CDH1: variants seen among roughly 807,000 people sequenced by gnomAD.
CDH1 encodes the protein cadherin 1.
CDH1 carries 35 observed loss-of-function variants against 84.5 expected under a neutral mutation model. The observed-to-expected ratio is 0.41, with a 90% CI of 0.32 to 0.55. The LOEUF (loss-of-function observed/expected upper bound fraction) is 0.55. Among genes scored for constraint, CDH1 ranks in the 20% least tolerant of loss-of-function variants. The pLI is 0.19. For missense variants in CDH1, 994 were observed against 1,126.6 expected (o/e 0.88, Z 1.68); for synonymous variants, 417 against 439.0 (o/e 0.95, Z 0.63).
At chr16:68,786,462 A>G (rs1960047443) in intron 2 of CDH1, among the ~76,000 whole-genome samples, 1 of 143,230 alleles carries the variant, frequency 7.0e-6, no homozygotes, top group Admixed American at 7.1e-5. Context: ...TTGAGCCTGC[A>G]CCTGACCCTA....
At chr16:68,772,867 C>T (rs1385971839) in intron 2 of CDH1, among the ~76,000 whole-genome samples, 1 of 151,996 alleles carries the variant, frequency 6.6e-6, no homozygotes, top group African/African-American at 2.4e-5. Flanking sequence ...GTCAATGCTG[C>T]AGTGAGCCAT....
intron 2 of CDH1, among the ~76,000 whole-genome samples, chr16:68,739,155 CT>C (rs981362517): frequency 2.0e-5 from 3 of 151,758 alleles, no homozygotes; most frequent in African/African-American, 7.3e-5. Flanking sequence ...TGGCTAACGC[CT>C]GTAATCCCAG....
At chr16:68,799,177 G>C (rs1960434889) in intron 2 of CDH1, among the ~76,000 whole-genome samples, 1 of 152,182 alleles carries the variant, frequency 6.6e-6, no homozygotes, top group South Asian at 2.1e-4. Context: ...TCCAGTCGCA[G>C]ACCCTGGGTC....
intron 14 of CDH1, among the ~76,000 whole-genome samples, chr16:68,828,897 G>A (rs1249669299): frequency 1.3e-5 from 2 of 152,164 alleles, no homozygotes; most frequent in Non-Finnish European, 2.9e-5. Context: ...AGGCCACAGA[G>A]TGAGGCACAA....
intron 2 of CDH1, among the ~76,000 whole-genome samples, chr16:68,791,094 G>A (rs1271352044): frequency 1.3e-5 from 2 of 152,132 alleles, no homozygotes; most frequent in African/African-American, 4.8e-5. Context: ...GCCCCCGGGT[G>A]GGCAGGAGTG....
intron 2 of CDH1, among the ~76,000 whole-genome samples, chr16:68,791,177 G>A (rs1307954248): frequency 6.6e-6 from 1 of 152,174 alleles, no homozygotes; most frequent in Admixed American, 6.5e-5. Context: ...TATGCACACA[G>A]TAGGTGTGCA....
At chr16:68,743,299 CT>C in intron 2 of CDH1, among the ~76,000 whole-genome samples, 2 of 11,664 alleles carry the variant, frequency 1.7e-4, no homozygotes, top group African/African-American at 3.7e-4. Flanking sequence ...TTCTTTCTTT[CT>C]TTCTTTCTTT....
chr16:68,829,691 C>T lies in CDH1; in HGVS notation c.2333C>T (p.Ala778Val), dbSNP rs876659951. The T allele has an allele frequency of 6.2e-7, 1 of 1,614,176 alleles. No individual in the cohort carries two copies. Among genetic ancestry groups the T allele is most frequent in the Non-Finnish European group, 8.5e-7 (1 of 1,180,040 alleles). The change falls in exon 15 of 16, where the codon GCT (alanine) becomes GTT (valine). Residue 778 changes from alanine (A) to valine (V), a missense_variant. Physicochemically the swap from Ala to Val is moderately conservative, Grantham distance 64. Coordinates refer to ENST00000261769, the MANE Select transcript of CDH1 (RefSeq NM_004360.5). Reference protein sequence around the residue: ...DLSQLHRGLDARPEVTRNDVA... With the variant: ...DLSQLHRGLDVRPEVTRNDVA... The stretch of plus-strand genomic sequence containing the variant: ...AGCCAGCTGCACAGGGGCCTGGACG[C>T]TCGGCCTGAAGTGACTCGTAACGAC...
intron 3 of CDH1, among the ~76,000 whole-genome samples, chr16:68,806,165 T>TTTAC (rs1960654205): frequency 7.3e-6 from 1 of 136,592 alleles, no homozygotes; most frequent in Non-Finnish European, 1.6e-5. Context: ...TATTTATTTA[T>TTTAC]TTTTGAGACA....
At chr16:68,823,133 C>A (rs73562605) in intron 12 of CDH1, 20 of 460,792 alleles carry the variant, frequency 4.3e-5, no homozygotes, top group Non-Finnish European at 7.8e-5. Flanking sequence ...TGAAGAGCCC[C>A]GCTCTGCCTA....
chr16:68,781,558 C>T (rs1959878968), intron 2 of CDH1, among the ~76,000 whole-genome samples: 3 of 152,050 alleles, frequency 2.0e-5, no homozygotes, highest in Admixed American at 1.3e-4. Flanking sequence ...AGGTTGGTGT[C>T]GAACTCCTGA....
intron 2 of CDH1, among the ~76,000 whole-genome samples, chr16:68,793,816 C>T (rs956297539): frequency 1.3e-5 from 2 of 151,536 alleles, no homozygotes; most frequent in Non-Finnish European, 2.9e-5. Context: ...CCCTCGAACC[C>T]GGGAGGCAGG....
At chr16:68,754,649 G>A (rs1962974795) in intron 2 of CDH1, among the ~76,000 whole-genome samples, 1 of 152,174 alleles carries the variant, frequency 6.6e-6, no homozygotes, top group South Asian at 2.1e-4. Flanking sequence ...AACAGTCTGT[G>A]AGCAGCCAGG....
intron 6 of CDH1, among the ~76,000 whole-genome samples, chr16:68,811,148 A>G (rs558733182): frequency 6.6e-6 from 1 of 152,156 alleles, no homozygotes; most frequent in East Asian, 1.9e-4. Flanking sequence ...CTGTAACCCC[A>G]GCACTTTGGG....
At chr16:68,769,220 C>T (rs906001464) in intron 2 of CDH1, among the ~76,000 whole-genome samples, 5 of 152,162 alleles carry the variant, frequency 3.3e-5, no homozygotes, top group Non-Finnish European at 7.3e-5. Flanking sequence ...TGAATGACTC[C>T]ACACAGCTAT....
intron 3 of CDH1, among the ~76,000 whole-genome samples, chr16:68,802,126 C>G (rs1422120014): frequency 6.6e-6 from 1 of 152,176 alleles, no homozygotes; most frequent in African/African-American, 2.4e-5. Flanking sequence ...GCCCATGGCC[C>G]CTGGGGGGAC....
intron 4 of CDH1, 48 bp downstream of exon 4, chr16:68,808,615 G>T: frequency 6.2e-7 from 1 of 1,613,392 alleles, no homozygotes; most frequent in Non-Finnish European, 8.5e-7. Flanking sequence ...TGGCAGAGAA[G>T]TACCAAGGAG....
intron 2 of CDH1, among the ~76,000 whole-genome samples, chr16:68,765,930 T>C (rs888655428): frequency 6.6e-6 from 1 of 152,114 alleles, no homozygotes; most frequent in African/African-American, 2.4e-5. Flanking sequence ...GTTTTACATA[T>C]GTGAGATCGT....
At chr16:68,738,971 A>G (rs1177413326) in intron 2 of CDH1, among the ~76,000 whole-genome samples, 1 of 19,724 alleles carries the variant, frequency 5.1e-5, no homozygotes, top group Non-Finnish European at 1.3e-4. Context: ...TTTTAAAGAC[A>G]GGGTCTTGCT....
Sources: gnomAD v4.1 joint callset for allele counts (sites outside exome capture counted in the v4.1 genomes callset) on GRCh38, gnomAD v4.1.1 for gene constraint, MANE v1.5 for transcripts, NCBI Gene and HGNC (gene_info 2026-07-23, HGNC 2026-07-21) for gene names.